ACAD11: variants seen among roughly 807,000 people sequenced by gnomAD.
ACAD11 encodes the protein acyl-CoA dehydrogenase family member 11, also known as acyl-Coenzyme A dehydrogenase family, member 11.
A neutral mutation model predicts 102.2 loss-of-function variants in ACAD11; 83 were observed. The observed-to-expected ratio is 0.81, with a 90% CI of 0.68 to 0.97. The LOEUF (loss-of-function observed/expected upper bound fraction) is 0.97, where lower values mean the gene tolerates loss of function less well. Among genes scored for constraint, ACAD11 ranks in the 50% least tolerant of loss-of-function variants. The pLI, the probability that ACAD11 is intolerant of heterozygous loss-of-function variation, is 0.00. For missense variants in ACAD11, 901 were observed against 951.7 expected (o/e 0.95, Z 0.70); for synonymous variants, 324 against 319.8 (o/e 1.01, Z -0.14).
intron 8 of ACAD11, 46 bp from the exon 9 acceptor site, chr3:132,626,863 A>C (rs1939837545): frequency 6.3e-7 from 1 of 1,575,800 alleles, no homozygotes; most frequent in African/African-American, 1.4e-5. Context: ...AGATGTCCAA[A>C]GATCATTATT....
chr3:132,601,109 C>T (rs1191255637), intron 13 of ACAD11: 2 of 1,613,678 alleles, frequency 1.2e-6, no homozygotes, highest in Admixed American at 1.7e-5. Context: ...AATATCTCGA[C>T]CCCTAAAAGT....
At chr3:132,589,835 T>C (rs115364374) in intron 13 of ACAD11, among the ~76,000 whole-genome samples, 2,288 of 152,266 alleles carry the variant, frequency 0.015, 50 homozygotes, top group African/African-American at 0.049. Flanking sequence ...CAGTACCCAA[T>C]TGTTATCTTT....
In ACAD11 at chr3:132,619,909, C is replaced by G. The variant is rs192320007; in HGVS notation, c.1198-364G>C. Among the ~76,000 whole-genome samples, 31 of 152,274 alleles carry G rather than the reference C, an allele frequency of 2.0e-4. No homozygotes were observed. The East Asian group carries it at 5.2e-3, about 26-fold the overall frequency. On this transcript the variant is annotated intron_variant, in intron 9 of 19. Transcript: ENST00000264990. ...TGCTGGAAGGAAAATGAGAAAATTC[C>G]TTGGAGGCCAGAAACAAAAAAGCCT...
intron 11 of ACAD11, among the ~76,000 whole-genome samples, chr3:132,608,072 T>C (rs1938928495): frequency 6.6e-6 from 1 of 152,122 alleles, no homozygotes; most frequent in Non-Finnish European, 1.5e-5. Flanking sequence ...AAACAAATGC[T>C]GGGAGACATT....
chr3:132,628,727 T>A (rs181778863), intron 7 of ACAD11, among the ~76,000 whole-genome samples: 31 of 152,310 alleles, frequency 2.0e-4, no homozygotes, highest in African/African-American at 7.5e-4. Context: ...ATACCAAGTC[T>A]GCAAGTTATT....
intron 1 of ACAD11, among the ~76,000 whole-genome samples, chr3:132,653,264 A>G (rs1937619272): frequency 6.6e-6 from 1 of 152,160 alleles, no homozygotes; most frequent in African/African-American, 2.4e-5. Flanking sequence ...TTTCTTCTCC[A>G]TCTTCATTCT....
intron 9 of ACAD11, among the ~76,000 whole-genome samples, chr3:132,619,915 G>C (rs1939547567): frequency 6.6e-6 from 1 of 152,184 alleles, no homozygotes; most frequent in Non-Finnish European, 1.5e-5. Flanking sequence ...ATTCCTTGGA[G>C]GCCAGAAACA....
intron 18 of ACAD11, among the ~76,000 whole-genome samples, 186 bp downstream of exon 18, chr3:132,560,915 A>G (rs1326318583): frequency 1.3e-5 from 2 of 152,052 alleles, no homozygotes; most frequent in Non-Finnish European, 2.9e-5. Context: ...CCTGAAAATC[A>G]TTCCCTAAAG....
chr3:132,658,441 G>T (rs1196273993), intron 1 of ACAD11, among the ~76,000 whole-genome samples: 1 of 152,126 alleles, frequency 6.6e-6, no homozygotes, highest in Non-Finnish European at 1.5e-5. Context: ...GTATCTTTCA[G>T]TTATGTACCT....
chr3:132,655,286 C>T (rs1937724237), intron 1 of ACAD11, among the ~76,000 whole-genome samples: 1 of 152,222 alleles, frequency 6.6e-6, no homozygotes. Flanking sequence ...ACTCTCAACA[C>T]AAGAAGCAGA....
intron 9 of ACAD11, among the ~76,000 whole-genome samples, chr3:132,622,469 T>C (rs1158022401): frequency 6.6e-6 from 1 of 152,236 alleles, no homozygotes; most frequent in Non-Finnish European, 1.5e-5. Flanking sequence ...AGTACATTTC[T>C]CATTTTCTAA....
intron 13 of ACAD11, chr3:132,597,087 G>T (rs566830628): frequency 1.5e-4 from 23 of 151,998 alleles, no homozygotes; most frequent in African/African-American, 5.5e-4. Flanking sequence ...TATAGTTTTT[G>T]AAAAAAGATG....
At chr3:132,603,695 T>TC (rs981613328) in intron 12 of ACAD11, among the ~76,000 whole-genome samples, 1 of 152,186 alleles carries the variant, frequency 6.6e-6, no homozygotes, top group Non-Finnish European at 1.5e-5. Flanking sequence ...CAAGACAGAT[T>TC]CCCCCCATAT....
intron 12 of ACAD11, 108 bp from the exon 13 acceptor site, chr3:132,603,435 C>T (rs573441648): frequency 1.1e-6 from 1 of 879,418 alleles, no homozygotes; most frequent in East Asian, 2.6e-5. Context: ...TTTTCAATGT[C>T]CTTTCACTCC....
Position 132,644,801 on chromosome 3 carries a change from T to A in ACAD11, c.245A>T (p.His82Leu). The change falls in exon 2 of 20, where the codon CAT becomes CTT. Residue 82 changes from histidine (H) to leucine (L), a missense_variant. Physicochemically the swap from His to Leu is moderately conservative, Grantham distance 99. Coordinates refer to ENST00000264990, the MANE Select transcript of ACAD11 (RefSeq NM_032169.5). ...KPPGSLLPKAHQIDREFKVQK... is the reference protein window; with the variant it reads ...KPPGSLLPKALQIDREFKVQK... ...CATTACATTTGTATACTATACCTGATGTGCTTTAGGAAGAAGTGAACCTGG... is the reference window on the plus strand; with the variant it reads ...CATTACATTTGTATACTATACCTGAAGTGCTTTAGGAAGAAGTGAACCTGG... 6.2e-7 allele frequency: 1 copy of A among 1,600,360 alleles called. No homozygotes were observed. Among genetic ancestry groups the A allele is most frequent in the South Asian group, 1.1e-5 (1 of 89,418 alleles).
At chr3:132,658,999 T>A (rs1937977872) in intron 1 of ACAD11, among the ~76,000 whole-genome samples, 1 of 152,186 alleles carries the variant, frequency 6.6e-6, no homozygotes, top group African/African-American at 2.4e-5. Context: ...ACAATGTTAT[T>A]TTTAGAATAA....
chr3:132,598,965 A>G (rs1177703947), intron 13 of ACAD11, among the ~76,000 whole-genome samples: 1 of 152,190 alleles, frequency 6.6e-6, no homozygotes, highest in Non-Finnish European at 1.5e-5. Flanking sequence ...AAGTAAGAAA[A>G]ACGTTTTTGA....
chr3:132,565,628 A>T (rs1937187991), intron 17 of ACAD11, among the ~76,000 whole-genome samples: 1 of 152,208 alleles, frequency 6.6e-6, no homozygotes, highest in Non-Finnish European at 1.5e-5. Flanking sequence ...TATAGTTTGG[A>T]TGCTTGTCTC....
chr3:132,637,829 A>G (rs753926317), intron 5 of ACAD11, among the ~76,000 whole-genome samples: 17 of 152,158 alleles, frequency 1.1e-4, no homozygotes, highest in Non-Finnish European at 1.6e-4. Flanking sequence ...CATTCCTGGA[A>G]GGTTTGTCAT....
Sources: gnomAD v4.1 joint callset for allele counts (sites outside exome capture counted in the v4.1 genomes callset) on GRCh38, gnomAD v4.1.1 for gene constraint, MANE v1.5 for transcripts, NCBI Gene and HGNC (gene_info 2026-07-23, HGNC 2026-07-21) for gene names.